TEP1: variants seen among roughly 807,000 people sequenced by gnomAD.
The protein encoded by TEP1 is telomerase protein component 1.
A neutral mutation model predicts 306.3 loss-of-function variants in TEP1; 241 were observed. That is an observed-to-expected ratio of 0.79 (90% CI 0.71 to 0.88). The LOEUF is 0.88. Among genes scored for constraint, TEP1 ranks in the 40% least tolerant of loss-of-function variants. The pLI is 0.00. For missense variants in TEP1, 3,051 were observed against 3,276.1 expected (o/e 0.93, Z 1.68); for synonymous variants, 1,289 against 1,305.5 (o/e 0.99, Z 0.27).
Position 20,367,769 on chromosome 14 carries a change from T to G in TEP1, c.*668A>C, listed in dbSNP as rs1884560503. ...GACTACAGGTGCCCGCCGCCACACC[T>G]GGCTAACTTTTTGTATTTTTTAGTA... On this transcript the variant is annotated 3_prime_UTR_variant, in exon 55 of 55. Transcript: ENST00000262715. 6.6e-6 allele frequency: 1 copy of G among 152,178 alleles called. No individual in the cohort carries two copies. The allele number at this position is 152,178 out of a possible 1,614,324, so 9.4% of individuals were successfully genotyped here. A position where few individuals can be genotyped will look rare whatever the true frequency, so the allele number is the denominator to read the frequency against.
chr14:20,400,431 A>G (rs1485759685), intron 9 of TEP1, among the ~76,000 whole-genome samples: 3 of 151,406 alleles, frequency 2.0e-5, no homozygotes, highest in Non-Finnish European at 4.4e-5. Context: ...TAAAATTTAA[A>G]AAGAAAAGTA....
At chr14:20,385,713 C>T (rs964409464) in intron 20 of TEP1, among the ~76,000 whole-genome samples, 7 of 152,188 alleles carry the variant, frequency 4.6e-5, no homozygotes, top group Admixed American at 3.9e-4. Flanking sequence ...CCTCCAATGT[C>T]AATGTCATTG....
At chr14:20,385,163 T>A in intron 20 of TEP1, 54 bp from the exon 21 acceptor site, 1 of 1,602,916 alleles carries the variant, frequency 6.2e-7, no homozygotes, top group Non-Finnish European at 8.5e-7. Context: ...TGACCCTCCC[T>A]CCAGACCTGC....
chr14:20,381,753 G>T lies in TEP1; in HGVS notation c.4425-67C>A. 1 of 1,538,322 alleles carries T rather than the reference G, an allele frequency of 6.5e-7. No homozygotes were observed. The highest frequency in any genetic ancestry group is 8.7e-7 in the Non-Finnish European group (1 of 1,146,438). On this transcript the variant is annotated intron_variant, in intron 30 of 54. Coordinates refer to ENST00000262715, the MANE Select transcript of TEP1 (RefSeq NM_007110.5). This position sits in a 1 kb window ranked among gnomAD's most constrained non-coding sequence, Gnocchi z 4.0. ...CTGTCAGTGAGCTTCCTGGCACACA[G>T]TGGGCTCCTATTCCCCCCTCAAATA...
rs777161740 is a variant in TEP1 at position 20,384,985 on chromosome 14, C to T, written c.3107G>A (p.Ser1036Asn). 1 of 1,614,100 alleles carries T rather than the reference C, an allele frequency of 6.2e-7. No individual in the cohort carries two copies. The highest frequency in any genetic ancestry group is 8.5e-7 in the Non-Finnish European group (1 of 1,180,044). Reference protein sequence around the residue: ...LIYFRDSSFLSSVPDAWKSDF... With the variant: ...LIYFRDSSFLNSVPDAWKSDF... ...CCAGCCTGCAGGCAACAGACAGTACCTGAGGAAGCTGGAATCCCGGAAGTA... is the reference window on the plus strand; with the variant it reads ...CCAGCCTGCAGGCAACAGACAGTACTTGAGGAAGCTGGAATCCCGGAAGTA... Residue 1036 changes from serine (S) to asparagine (N), a missense_variant and splice_region_variant, in exon 21 of 55, where the codon AGC becomes AAC. Around this residue, in one of 3 missense-constraint regions of TEP1, gnomAD observed 1,507 missense variants for 1,550.5 expected, o/e 0.97. Transcript: ENST00000262715.
intron 1 of TEP1, among the ~76,000 whole-genome samples, chr14:20,410,063 C>T (rs1879534699): frequency 7.8e-6 from 1 of 128,202 alleles, no homozygotes; most frequent in Non-Finnish European, 1.7e-5. Flanking sequence ...AAAATGCCTA[C>T]CTCACAGAGT....
chr14:20,396,684 G>T lies in TEP1; in HGVS notation c.1596C>A (p.Asn532Lys). 2.5e-6 allele frequency: 4 copies of T among 1,612,186 alleles called. No homozygotes were observed. The highest frequency in any genetic ancestry group is 3.4e-6 in the Non-Finnish European group (4 of 1,178,452). The change falls in exon 10 of 55, where the codon AAC becomes AAA. Residue 532 changes from asparagine (N) to lysine (K), a missense_variant. Physicochemically the swap from Asn to Lys is moderately conservative, Grantham distance 94. Coordinates refer to ENST00000262715, the MANE Select transcript of TEP1 (RefSeq NM_007110.5). ...PFMAMLRNLC[N>K]LLRVGISSRH... ...GGGAACTGATTCCAACCCGCAGCAG[G>T]TTGCACAGGTTCCGAAGCATGGCCA...
rs766426774 is a variant in TEP1, at chr14:20,377,438, C to T, written c.5930G>A (p.Trp1977Ter). 1.9e-6 allele frequency: 3 copies of T among 1,614,150 alleles called. No homozygotes were observed. Among genetic ancestry groups the T allele is most frequent in the Non-Finnish European group, 8.5e-7 (1 of 1,180,020 alleles). ...ALDVAVSALA[W>*]LSPKVLVSGA... is the part of the protein sequence containing the mutation. ...ACTCACCAATACCTTGGGGCTTAGCCAGGCCAGGGCGGACACTGCCACATC... is the reference window on the plus strand; with the variant it reads ...ACTCACCAATACCTTGGGGCTTAGCTAGGCCAGGGCGGACACTGCCACATC... Residue 1977 changes from tryptophan to a stop codon, truncating the protein, a stop_gained, in exon 41 of 55, where the codon TGG (tryptophan) becomes TAG (stop). Coordinates refer to ENST00000262715, the MANE Select transcript of TEP1 (RefSeq NM_007110.5). LOFTEE classifies it high-confidence loss of function.
At position 20,368,844 on chromosome 14, in the gene TEP1, G is replaced by A. The variant is rs748166959; in HGVS notation, c.7715C>T (p.Ser2572Leu). 10 of 1,612,966 alleles carry A rather than the reference G, an allele frequency of 6.2e-6. No individual in the cohort carries two copies. The highest frequency in any genetic ancestry group is 1.7e-5 in the Admixed American group (1 of 59,876). Residue 2572 changes from serine to leucine, a missense_variant, in exon 54 of 55, where the codon TCG becomes TTG. By Grantham distance (145) the Ser-to-Leu change is moderately radical (BLOSUM62 -2). Transcript: ENST00000262715. Reference protein sequence around the residue: ...HVLPELLVTASKDRDVKLWER... With the variant: ...HVLPELLVTALKDRDVKLWER... ...CCATAGCTTAACATCTCTGTCCTTC[G>A]AAGCTGTCACCAGCAACTCAGGTAG... is the stretch of plus-strand genomic sequence containing the variant.
In TEP1 at chr14:20,366,321, T is replaced by C. The variant is rs976857031; in HGVS notation, c.*2116A>G. ...GACAAATAGAGCTTCCTCCTGCAAT[T>C]GGCCCAAGATTTTAGGGGAGCAAAA... On this transcript the variant is annotated 3_prime_UTR_variant, in exon 55 of 55. Transcript: ENST00000262715. The C allele has an allele frequency of 1.3e-5, 2 of 152,234 alleles. No individual in the cohort carries two copies. Among genetic ancestry groups the C allele is most frequent in the Non-Finnish European group, 2.9e-5 (2 of 68,050 alleles). 9.4% of individuals were successfully genotyped at this position (152,234 alleles called of 1,614,324 possible). A position where few individuals can be genotyped will look rare whatever the true frequency, so the allele number is the denominator to read the frequency against.
intron 44 of TEP1, among the ~76,000 whole-genome samples, chr14:20,374,167 T>C (rs1296695563): frequency 6.6e-6 from 1 of 151,938 alleles, no homozygotes; most frequent in Non-Finnish European, 1.5e-5. Flanking sequence ...CATAGCTCAC[T>C]GTAGCCTTGA....
intron 9 of TEP1, among the ~76,000 whole-genome samples, chr14:20,399,452 T>C (rs1878479139): frequency 6.6e-6 from 1 of 151,958 alleles, no homozygotes; most frequent in Admixed American, 6.6e-5. Context: ...TAATGAGATC[T>C]GTGGTCTTCA....
chr14:20,412,802 G>T (rs768691662), intron 1 of TEP1, among the ~76,000 whole-genome samples: 8 of 151,098 alleles, frequency 5.3e-5, no homozygotes, highest in Non-Finnish European at 1.2e-4. Context: ...GGGATTACAG[G>T]CGCCCACCAC....
chr14:20,374,015 T>C (rs1246882883), intron 44 of TEP1, among the ~76,000 whole-genome samples: 1 of 151,840 alleles, frequency 6.6e-6, no homozygotes, highest in Non-Finnish European at 1.5e-5. Context: ...GTTTTCATGC[T>C]CTCCTCTCTC....
intron 43 of TEP1, 30 bp from the exon 44 acceptor site, chr14:20,374,566 T>C (rs777312950): frequency 6.5e-7 from 1 of 1,529,716 alleles, no homozygotes; most frequent in South Asian, 1.1e-5. Flanking sequence ...AGGAGTGGGA[T>C]TATCAGCATC....
intron 51 of TEP1, among the ~76,000 whole-genome samples, chr14:20,370,523 G>A (rs191758778): frequency 2.8e-4 from 42 of 152,264 alleles, no homozygotes; most frequent in African/African-American, 9.6e-4. Flanking sequence ...CCATTCATCA[G>A]CATGCAGTAT....
intron 28 of TEP1, 59 bp from the exon 29 acceptor site, chr14:20,382,415 G>A: frequency 6.4e-7 from 1 of 1,567,376 alleles, no homozygotes; most frequent in Non-Finnish European, 8.7e-7. Flanking sequence ...AGCTTGGCTT[G>A]TGGGATAGGG....
chr14:20,371,374 C>CT, intron 50 of TEP1, 60 bp from the exon 51 acceptor site: 1 of 1,581,894 alleles, frequency 6.3e-7, no homozygotes, highest in Non-Finnish European at 8.7e-7. Flanking sequence ...AAGAGAAGAA[C>CT]ACCTCTCTTT....
At chr14:20,385,252 C>T (rs1877031848) in intron 20 of TEP1, 143 bp from the exon 21 acceptor site, 2 of 986,010 alleles carry the variant, frequency 2.0e-6, no homozygotes, top group Admixed American at 2.9e-5. Flanking sequence ...TAGCTAATAG[C>T]TAATGTTTTT....
Sources: gnomAD v4.1 joint callset for allele counts (sites outside exome capture counted in the v4.1 genomes callset) on GRCh38, gnomAD v4.1.1 for gene constraint, gnomAD v4.1.1 regional missense constraint, Gnocchi (gnomAD v3.1) non-coding constraint, MANE v1.5 for transcripts, NCBI Gene and HGNC (gene_info 2026-07-23, HGNC 2026-07-21) for gene names.